The following OPRM1 variants were observed in gnomAD, a reference collection of about 807,000 sequenced individuals.
OPRM1 encodes the protein mu-type opioid receptor.
In OPRM1, 27 loss-of-function variants were observed where a neutral mutation model predicts 31.8. The ratio of observed to expected loss-of-function variants is 0.85; its 90% CI spans 0.63 to 1.17. OPRM1 has a LOEUF of 1.17. OPRM1 is among the 50% of genes most tolerant of loss of function. The pLI is 0.00. For synonymous variants in OPRM1, 196 were observed against 189.9 expected, an observed-to-expected ratio of 1.03 and a Z score of -0.26; for missense variants, 536 against 511.1, an observed-to-expected ratio of 1.05 and a Z score of -0.47.
In OPRM1 at chr6:154,119,916, T is replaced by A. The variant is rs1274587678; in HGVS notation, c.*1195T>A. 6.6e-6 allele frequency among the ~76,000 whole-genome samples: 1 copy of A among 152,210 alleles called. No homozygotes were observed. The highest frequency in any genetic ancestry group is 1.5e-5 in the Non-Finnish European group (1 of 68,024). On this transcript the variant is annotated 3_prime_UTR_variant, in exon 4 of 4. Coordinates refer to ENST00000330432, the MANE Select transcript of OPRM1 (RefSeq NM_000914.5). ...TTTTGATCTCTGCTAAATGTCAAGA[T>A]TTCCTTTGTAAAGTGTCGATCTTCT...
chr6:154,195,974 T>G (rs2128587393), intron 3 of OPRM1, among the ~76,000 whole-genome samples: 1 of 152,020 alleles, frequency 6.6e-6, no homozygotes, highest in Non-Finnish European at 1.5e-5. Flanking sequence ...GTATTTTTAG[T>G]AGAGACAGGG....
At chr6:154,095,113 G>A (rs2128492459) in intron 3 of OPRM1, among the ~76,000 whole-genome samples, 1 of 152,296 alleles carries the variant, frequency 6.6e-6, no homozygotes, top group Admixed American at 6.5e-5. Flanking sequence ...TCAACATGGT[G>A]AAACCCCGTC....
rs1210846785 is a variant in OPRM1, at chr6:154,039,277, C to T, written c.-268C>T. On this transcript the variant is annotated 5_prime_UTR_variant, in exon 1 of 4. In the 5' UTR this introduces an upstream ATG that the reference lacks. Transcript: ENST00000330432. Reference sequence around the variant, plus strand: ...CAGCCTCCGAATCCCGCATGGCCCACGCTCCCCTCCTGCAGCGGTGCGGGG... The same window carrying T: ...CAGCCTCCGAATCCCGCATGGCCCATGCTCCCCTCCTGCAGCGGTGCGGGG... 7 of 1,551,488 alleles carry T rather than the reference C, an allele frequency of 4.5e-6. No individual in the cohort carries two copies. Among genetic ancestry groups the T allele is most frequent in the Admixed American group, 2.0e-5 (1 of 50,982 alleles).
chr6:154,065,346 C>T (rs1223708582), intron 1 of OPRM1, among the ~76,000 whole-genome samples: 1 of 151,890 alleles, frequency 6.6e-6, no homozygotes, highest in Admixed American at 6.6e-5. Context: ...GTTGGGGTTT[C>T]ACCATGTTGG....
chr6:154,130,170 C>CTTTCTT lies in OPRM1; in HGVS notation c.*11452_*11453insCTTTTT, dbSNP rs747564517. On this transcript the variant is annotated 3_prime_UTR_variant, in exon 4 of 4. Coordinates refer to ENST00000330432, the MANE Select transcript of OPRM1 (RefSeq NM_000914.5). ...GATTTCATGGAAATGTTTAAATTTT[C>CTTTCTT]TTTTTTTTTTTTTTTTTTGATGGAG... Among the ~76,000 whole-genome samples, 8 of 71,818 alleles carry CTTTCTT rather than the reference C, an allele frequency of 1.1e-4. 2 individuals are homozygous for CTTTCTT. The highest frequency in any genetic ancestry group is 2.0e-4 in the Non-Finnish European group (7 of 34,898). The allele number at this position is 71,818 out of a possible 152,430, so 47.1% of individuals were successfully genotyped here.
chr6:154,051,041 T>C, intron 1 of OPRM1, among the ~76,000 whole-genome samples: 1 of 152,332 alleles, frequency 6.6e-6, no homozygotes, highest in East Asian at 1.9e-4. Context: ...GTAATATAAG[T>C]ATGTGAACAT....
chr6:154,071,715 G>A (rs1786778221), intron 1 of OPRM1, among the ~76,000 whole-genome samples: 1 of 152,192 alleles, frequency 6.6e-6, no homozygotes, highest in Non-Finnish European at 1.5e-5. Flanking sequence ...ATGAGCATCA[G>A]TAATTTTTTA....
Position 154,171,905 on chromosome 6 carries a change from A to G in OPRM1, c.1165-74788A>G, listed in dbSNP as rs912077625. 2.6e-5 allele frequency among the ~76,000 whole-genome samples: 4 copies of G among 152,362 alleles called. No homozygotes were observed. The South Asian group carries it at 8.3e-4, about 32-fold the overall frequency. ...GGTAGAATTCTACTTAGATTAAGGC[A>G]TAAACACATAGCTTTCAATACCACA... On this transcript the variant is annotated intron_variant, in intron 3 of 3. Coordinates refer to the OPRM1 transcript ENST00000337049.
intron 3 of OPRM1, among the ~76,000 whole-genome samples, chr6:154,106,641 C>T (rs1795616201): frequency 6.6e-6 from 1 of 152,234 alleles, no homozygotes; most frequent in South Asian, 2.1e-4. Context: ...AACCTCCCTT[C>T]TTTTAAACAA....
downstream of OPRM1, among the ~76,000 whole-genome samples, chr6:154,135,298 G>A (rs1328800237): frequency 3.3e-5 from 5 of 152,074 alleles, no homozygotes; most frequent in African/African-American, 9.6e-5. Flanking sequence ...GCAACACCCC[G>A]TCTCTACTAA....
intron 1 of OPRM1, chr6:154,087,321 T>C (rs1360230681): frequency 1.5e-5 from 15 of 985,470 alleles, no homozygotes; most frequent in Non-Finnish European, 1.2e-6. Context: ...GGACACTGAA[T>C]TCAGTCCTAA....
chr6:154,215,602 A>G (rs1300351298), intron 3 of OPRM1, among the ~76,000 whole-genome samples: 1 of 152,096 alleles, frequency 6.6e-6, no homozygotes, highest in Non-Finnish European at 1.5e-5. Flanking sequence ...GCGAAACTCC[A>G]TCTCAAAAAT....
chr6:154,114,433 GAA>G (rs773960873), intron 3 of OPRM1, among the ~76,000 whole-genome samples: 1 of 147,018 alleles, frequency 6.8e-6, no homozygotes, highest in Non-Finnish European at 1.5e-5. Context: ...TTTCTCTGCA[GAA>G]AAAAAAAAGA....
intron 3 of OPRM1, among the ~76,000 whole-genome samples, chr6:154,192,326 G>A (rs9397180): frequency 1.8e-5 from 1 of 54,508 alleles, no homozygotes; most frequent in Non-Finnish European, 4.4e-5. Flanking sequence ...TACTGTGTGT[G>A]TGTGTGTGTG....
At chr6:154,042,264 T>C (rs1032665371) in intron 1 of OPRM1, among the ~76,000 whole-genome samples, 1 of 152,166 alleles carries the variant, frequency 6.6e-6, no homozygotes, top group Admixed American at 6.5e-5. Context: ...GAAGCAAGTA[T>C]GTCTATTTAG....
intron 3 of OPRM1, among the ~76,000 whole-genome samples, chr6:154,109,782 CTCTCTCTCTCTGTGTGTGTGTGTGTG>C (rs751628387): frequency 0.038 from 4,511 of 119,690 alleles, 95 homozygotes; most frequent in East Asian, 0.1. Context: ...CTCTCTCTCT[CTCTCTCTCTCTGTGTGTGTGTGTGTG>C]TGTGTGTGTG....
intron 3 of OPRM1, among the ~76,000 whole-genome samples, chr6:154,195,379 C>T (rs1210821118): frequency 2.6e-5 from 4 of 152,014 alleles, no homozygotes; most frequent in Non-Finnish European, 4.4e-5. Flanking sequence ...GATCTCCTGA[C>T]CTTGTGATCC....
intron 1 of OPRM1, among the ~76,000 whole-genome samples, chr6:154,029,127 G>A (rs1279449576): frequency 2.6e-5 from 4 of 152,092 alleles, no homozygotes; most frequent in African/African-American, 9.7e-5. Context: ...TCTCTTCCAT[G>A]GGGCTTTGCT....
At chr6:154,080,806 C>T (rs1335470475) in intron 1 of OPRM1, among the ~76,000 whole-genome samples, 1 of 152,198 alleles carries the variant, frequency 6.6e-6, no homozygotes, top group Non-Finnish European at 1.5e-5. Context: ...AGTGTCAACA[C>T]CAAATCTACT....
Sources: allele counts gnomAD v4.1 joint callset (sites outside exome capture counted in the v4.1 genomes callset), GRCh38; gene constraint gnomAD v4.1.1; transcripts MANE v1.5; gene names NCBI Gene and HGNC (gene_info 2026-07-23, HGNC 2026-07-21).